The following VWA8 variants were observed in gnomAD, a reference collection of about 807,000 sequenced individuals.
VWA8 encodes the protein von Willebrand factor A domain containing 8, also known as von Willebrand factor A domain-containing protein 8.
VWA8 carries 221 observed loss-of-function variants against 241.5 expected under a neutral mutation model. That is an observed-to-expected ratio of 0.91 (90% CI 0.82 to 1.02). The LOEUF is 1.02. Ranked by LOEUF, VWA8 falls within the 50% of genes least tolerant of loss-of-function variation. VWA8 has a pLI of 0.00. For synonymous variants in VWA8, 852 were observed against 827.1 expected, an observed-to-expected ratio of 1.03 and a Z score of -0.52; for missense variants, 2,322 against 2,328.7, an observed-to-expected ratio of 1.00 and a Z score of 0.06.
At chr13:41,724,284 T>C (rs115677136) in intron 24 of VWA8, among the ~76,000 whole-genome samples, 305 of 152,258 alleles carry the variant, frequency 2.0e-3, no homozygotes, top group African/African-American at 7.1e-3. Context: ...GACAACTCTT[T>C]TGAGTACAAA....
At chr13:41,596,186 A>G (rs2044487002) in intron 40 of VWA8, among the ~76,000 whole-genome samples, 1 of 152,178 alleles carries the variant, frequency 6.6e-6, no homozygotes, top group Non-Finnish European at 1.5e-5. Context: ...ATTAGGCACA[A>G]AGACATTTTT....
intron 1 of VWA8, 102 bp from the exon 2 acceptor site, chr13:41,950,115 G>C (rs1878056466): frequency 1.6e-6 from 1 of 636,388 alleles, no homozygotes; most frequent in African/African-American, 1.9e-5. Context: ...GGATGTTACA[G>C]AAATGTACTA....
intron 42 of VWA8, among the ~76,000 whole-genome samples, chr13:41,587,060 T>C (rs1242747202): frequency 1.3e-5 from 2 of 152,204 alleles, no homozygotes; most frequent in Non-Finnish European, 2.9e-5. Context: ...GCTTTTCTCC[T>C]GGGATAATCA....
intron 40 of VWA8, among the ~76,000 whole-genome samples, chr13:41,600,981 T>G (rs57981297): frequency 6.6e-6 from 1 of 152,244 alleles, no homozygotes; most frequent in African/African-American, 2.4e-5. Flanking sequence ...CTCTGAAACT[T>G]TCTCCTCCAT....
At chr13:41,803,497 G>A (rs1319502806) in intron 17 of VWA8, among the ~76,000 whole-genome samples, 1 of 152,222 alleles carries the variant, frequency 6.6e-6, no homozygotes, top group African/African-American at 2.4e-5. Context: ...GGCAGAAAGT[G>A]AAAGCACGTC....
chr13:41,573,153 C>T (rs1056724235), intron 43 of VWA8, among the ~76,000 whole-genome samples: 5 of 148,966 alleles, frequency 3.4e-5, no homozygotes, highest in African/African-American at 1.2e-4. Flanking sequence ...CGGTGGCTGA[C>T]GCCTGTAGAC....
At chr13:41,671,976 G>A (rs905546029) in intron 36 of VWA8, among the ~76,000 whole-genome samples, 7 of 152,106 alleles carry the variant, frequency 4.6e-5, no homozygotes, top group Non-Finnish European at 7.4e-5. Flanking sequence ...TCTGTAAGAA[G>A]CAAAAATACA....
intron 37 of VWA8, among the ~76,000 whole-genome samples, chr13:41,625,616 A>G (rs1008504342): frequency 6.6e-6 from 1 of 152,096 alleles, no homozygotes; most frequent in Non-Finnish European, 1.5e-5. Flanking sequence ...AAATAGGAAC[A>G]CTTTTACACT....
intron 12 of VWA8, among the ~76,000 whole-genome samples, chr13:41,849,543 A>C (rs191162196): frequency 7.3e-4 from 111 of 152,330 alleles, no homozygotes; most frequent in African/African-American, 2.6e-3. Context: ...GAGGACTCTC[A>C]AAAGATTTCC....
intron 26 of VWA8, among the ~76,000 whole-genome samples, chr13:41,709,875 G>A (rs1219546210): frequency 1.3e-5 from 2 of 151,260 alleles, no homozygotes; most frequent in Admixed American, 1.3e-4. Flanking sequence ...TTGAACTTAT[G>A]GGCTCAAGGA....
chr13:41,838,049 CT>C (rs1871821260), intron 12 of VWA8, among the ~76,000 whole-genome samples: 1 of 152,086 alleles, frequency 6.6e-6, no homozygotes, highest in Admixed American at 6.6e-5. Context: ...GAATTATGTT[CT>C]TTTGATTTGT....
chr13:41,768,980 G>T (rs2045799240), intron 20 of VWA8, among the ~76,000 whole-genome samples: 1 of 145,658 alleles, frequency 6.9e-6, no homozygotes, highest in Non-Finnish European at 1.5e-5. Context: ...TTGGCTCACC[G>T]CAACCTGCAC....
rs1017736790 is a variant in VWA8, at chr13:41,909,058, T to A, written c.373-1362A>T. The stretch of plus-strand genomic sequence containing the variant: ...TGTACGTAAAGGAGGAAAAAAATTT[T>A]TTTTTTTTTTTTTTGAGATAGTCTC... On this transcript the variant is annotated intron_variant, in intron 3 of 44. Transcript: ENST00000379310. 1.7e-3 allele frequency among the ~76,000 whole-genome samples: 257 copies of A among 151,874 alleles called. 2 individuals carry two copies. Among genetic ancestry groups the A allele is most frequent in the African/African-American group, 5.7e-3 (236 of 41,450 alleles).
In VWA8 at chr13:41,721,401, CT is replaced by C; in HGVS notation, c.2932del (p.Arg978GlufsTer6). On this transcript the variant is annotated frameshift_variant, in exon 25 of 45. Transcript: ENST00000379310. LOFTEE classifies it high-confidence loss of function. ...QGIINYPYST[R>X]EVVNIVKHLQ... is the part of the protein sequence containing the mutation. The stretch of plus-strand genomic sequence containing the variant: ...ATGTTTGACTATGTTGACAACTTCT[CT>C]GGTAGAATAAGGATAGTTAATAATC... 6.2e-7 allele frequency: 1 copy of C among 1,613,774 alleles called. No homozygotes were observed.
intron 4 of VWA8, among the ~76,000 whole-genome samples, chr13:41,897,633 G>C (rs990955316): frequency 1.3e-5 from 2 of 152,114 alleles, no homozygotes; most frequent in Admixed American, 1.3e-4. Context: ...GACCCTCGCG[G>C]TGTGTGTTAC....
chr13:41,881,579 T>G (rs896689854), intron 9 of VWA8, among the ~76,000 whole-genome samples: 2 of 149,316 alleles, frequency 1.3e-5, no homozygotes, highest in Non-Finnish European at 3.0e-5. Context: ...AGCTGTTGGG[T>G]ACACCTCCCA....
chr13:41,773,214 T>C (rs769024627), intron 20 of VWA8, among the ~76,000 whole-genome samples: 1 of 152,250 alleles, frequency 6.6e-6, no homozygotes, highest in African/African-American at 2.4e-5. Flanking sequence ...CCAGTGACAC[T>C]ACCCCAGGAG....
intron 20 of VWA8, among the ~76,000 whole-genome samples, chr13:41,765,205 C>G (rs1478014100): frequency 1.3e-5 from 2 of 152,032 alleles, no homozygotes; most frequent in Non-Finnish European, 1.5e-5. Context: ...TTATAAAAGG[C>G]AGTTTAATTT....
At position 41,635,828 on chromosome 13, in the gene VWA8, T is replaced by TA. The variant is rs1566396481; in HGVS notation, c.4612-20745dup. On this transcript the variant is annotated intron_variant, in intron 37 of 44. Coordinates refer to ENST00000379310, the MANE Select transcript of VWA8 (RefSeq NM_015058.2). ...GGAATCTTGAAGAACGAGTAAGAAT[T>TA]AGACAGCGCAGGAGGGTGGAGATTT... 2.0e-5 allele frequency among the ~76,000 whole-genome samples: 3 copies of TA among 152,082 alleles called. No individual in the cohort carries two copies. In the East Asian group the frequency reaches 5.8e-4, roughly 29 times the overall value.
Sources: allele counts gnomAD v4.1 joint callset (sites outside exome capture counted in the v4.1 genomes callset), GRCh38; gene constraint gnomAD v4.1.1; transcripts MANE v1.5; gene names NCBI Gene and HGNC (gene_info 2026-07-23, HGNC 2026-07-21).